Variants in FBXO6 observed in about 807,000 individuals in gnomAD.
FBXO6 encodes the protein F-box protein 6.
FBXO6 carries 13 observed loss-of-function variants against 25.0 expected under a neutral mutation model. The ratio of observed to expected loss-of-function variants is 0.52; its 90% confidence interval spans 0.34 to 0.83. The LOEUF is 0.83. FBXO6 is among the 40% of genes least tolerant of loss of function. The pLI, the probability that FBXO6 is intolerant of heterozygous loss-of-function variation, is 0.02. For synonymous variants in FBXO6, 138 were observed against 155.3 expected (o/e 0.89, Z 0.83); for missense variants, 370 against 380.2 (o/e 0.97, Z 0.22).
chr1:11,669,013 C>G (rs973115602), intron 2 of FBXO6, 69 bp downstream of exon 2: 3 of 1,555,022 alleles, frequency 1.9e-6, no homozygotes, highest in Non-Finnish European at 1.7e-6. Flanking sequence ...TTGGCACTTG[C>G]AATTCCCACA....
In FBXO6 at chr1:11,671,998, C is replaced by T. The variant is rs572904941; in HGVS notation, c.484C>T (p.Arg162Trp). 40 of 1,614,166 alleles carry T rather than the reference C, an allele frequency of 2.5e-5. No individual in the cohort carries two copies. The highest frequency in any genetic ancestry group is 1.9e-4 in the African/African-American group (14 of 75,052). Residue 162 changes from arginine to tryptophan, a missense_variant, in exon 4 of 6, where the codon CGG (arginine) becomes TGG (tryptophan). Arg to Trp is a moderately radical substitution (Grantham distance 101). Coordinates refer to ENST00000376753, the MANE Select transcript of FBXO6 (RefSeq NM_018438.6). ...CTGGGAGGAGCTACTAGACACATTC[C>T]GGCCGGACATCGTGGTTAAGGACTG... ...GYWEELLDTF[R>W]PDIVVKDWFA... is the part of the protein sequence containing the mutation.
At position 11,673,292 on chromosome 1, in the gene FBXO6, C is replaced by T. The variant is rs759813124; in HGVS notation, c.525C>T (p.Ala175=). 3.5e-5 allele frequency: 56 copies of T among 1,613,236 alleles called. No homozygotes were observed. The highest frequency in any genetic ancestry group is 4.2e-5 in the Non-Finnish European group (49 of 1,179,696). The change falls in exon 5 of 6, where the codon GCC becomes GCT. Residue 175 remains alanine (A), a synonymous_variant. Coordinates refer to ENST00000376753, the MANE Select transcript of FBXO6 (RefSeq NM_018438.6). This position sits in a 1 kb window ranked among gnomAD's most constrained non-coding sequence, Gnocchi z 4.3. Reference sequence around the variant, plus strand: ...CCTCCACCAGGTTTGCTGCCAGAGCCGACTGTGGCTGCACCTACCAACTCA... The same window carrying T: ...CCTCCACCAGGTTTGCTGCCAGAGCTGACTGTGGCTGCACCTACCAACTCA... ...IVVKDWFAAR[A]DCGCTYQLKV... is the part of the protein sequence containing the mutation.
At chr1:11,664,914 C>A (rs752298712) in intron 1 of FBXO6, among the ~76,000 whole-genome samples, 4 of 152,154 alleles carry the variant, frequency 2.6e-5, no homozygotes, top group Admixed American at 2.0e-4. Context: ...CAAGAAAATG[C>A]GGACTGGGCC....
chr1:11,671,702 T>C (rs886478946), intron 3 of FBXO6, among the ~76,000 whole-genome samples: 1 of 152,132 alleles, frequency 6.6e-6, no homozygotes, highest in Non-Finnish European at 1.5e-5. Flanking sequence ...CAATGGGCCT[T>C]TGGACTGGGA....
In FBXO6 at chr1:11,674,277, C is replaced by G. The variant is rs1640714737; in HGVS notation, c.*426C>G. 1 of 160,828 alleles carries G rather than the reference C, an allele frequency of 6.2e-6. No homozygotes were observed. Among genetic ancestry groups the G allele is most frequent in the Non-Finnish European group, 1.4e-5 (1 of 72,710 alleles). 10.0% of individuals were successfully genotyped at this position (160,828 alleles called of 1,614,324 possible). On this transcript the variant is annotated 3_prime_UTR_variant, in exon 6 of 6. Transcript: ENST00000376753. The surrounding 1 kb of genome is among the most constrained non-coding windows in gnomAD (Gnocchi z 6.1). ...CGAGATCACGCCACTGCACTCCAGC[C>G]TGGGTGACAGAGCGAGACTCTGGCT...
chr1:11,664,828 G>A (rs55634740), intron 1 of FBXO6: 11,495 of 152,176 alleles, frequency 0.076, 1,393 homozygotes, highest in African/African-American at 0.25. Flanking sequence ...GACCCCGATC[G>A]GTGTGAGAGG....
chr1:11,665,773 C>A (rs1640416646), intron 1 of FBXO6, among the ~76,000 whole-genome samples: 1 of 150,802 alleles, frequency 6.6e-6, no homozygotes, highest in Non-Finnish European at 1.5e-5. Context: ...ATTGGCCAGG[C>A]TGGTCTCGAA....
At position 11,673,468 on chromosome 1, in the gene FBXO6, G is replaced by A; in HGVS notation, c.645+56G>A. Reference sequence around the variant, plus strand: ...CACTCCTCCCAGGGCCAGGATGGCAGGAAGCAAAGGGCAGCCTCAGGGCCC... The same window carrying A: ...CACTCCTCCCAGGGCCAGGATGGCAAGAAGCAAAGGGCAGCCTCAGGGCCC... On this transcript the variant is annotated intron_variant, in intron 5 of 5. Transcript: ENST00000376753. This position sits in a 1 kb window ranked among gnomAD's most constrained non-coding sequence, Gnocchi z 4.3. The A allele has an allele frequency of 1.9e-6, 3 of 1,598,862 alleles. No homozygotes were observed. The South Asian group carries it at 3.4e-5, about 18-fold the overall frequency.
chr1:11,671,431 A>C, intron 3 of FBXO6, 39 bp downstream of exon 3: 1 of 1,600,990 alleles, frequency 6.2e-7, no homozygotes, highest in Non-Finnish European at 8.6e-7. Context: ...CGTGGAGGGG[A>C]CAGAGGGTCA....
intron 2 of FBXO6, 126 bp downstream of exon 2, chr1:11,669,070 G>A: frequency 7.9e-7 from 1 of 1,268,748 alleles, no homozygotes; most frequent in Non-Finnish European, 1.1e-6. Context: ...CACTTCCTTG[G>A]TTCCTTCTCA....
intron 2 of FBXO6, among the ~76,000 whole-genome samples, chr1:11,670,638 AG>A (rs35421888): frequency 0.29 from 38,904 of 134,420 alleles, 5,282 homozygotes; most frequent in African/African-American, 0.34. Flanking sequence ...TAAAAAAAAA[AG>A]GGGGGGGGGG....
intron 2 of FBXO6, among the ~76,000 whole-genome samples, chr1:11,670,998 GA>G (rs1359855332): frequency 6.6e-6 from 1 of 152,192 alleles, no homozygotes; most frequent in Non-Finnish European, 1.5e-5. Context: ...GAATGTGTTG[GA>G]GGGGTGCTTT....
chr1:11,671,918 T>C lies in FBXO6; in HGVS notation c.414-10T>C. Reference sequence around the variant, plus strand: ...ACCCAGGTATGCAAGCCCCCAACTCTGCTCCCCAGAATGTGCCTCAAGTCC... The same window carrying C: ...ACCCAGGTATGCAAGCCCCCAACTCCGCTCCCCAGAATGTGCCTCAAGTCC... On this transcript the variant is annotated splice_polypyrimidine_tract_variant and intron_variant, in intron 3 of 5. Coordinates refer to ENST00000376753, the MANE Select transcript of FBXO6 (RefSeq NM_018438.6). 1.2e-6 allele frequency: 2 copies of C among 1,613,388 alleles called. No homozygotes were observed. Among genetic ancestry groups the C allele is most frequent in the Non-Finnish European group, 1.7e-6 (2 of 1,179,334 alleles).
chr1:11,667,786 G>A (rs1640483920), intron 1 of FBXO6, among the ~76,000 whole-genome samples: 1 of 152,106 alleles, frequency 6.6e-6, no homozygotes, highest in Non-Finnish European at 1.5e-5. Flanking sequence ...AATGAGTCTG[G>A]GATGTAAAAC....
chr1:11,669,950 C>T (rs866255410), intron 2 of FBXO6, among the ~76,000 whole-genome samples: 4 of 141,450 alleles, frequency 2.8e-5, no homozygotes, highest in Admixed American at 6.9e-5. Context: ...CGGTGGCTCA[C>T]GCCTGTAATC....
chr1:11,673,170 C>T lies in FBXO6; in HGVS notation c.510-107C>T. ...GGCCTTGCAGGCAGAGCAGTGTCAG[C>T]TGATGGGAGATGAAGCTCCGAGCTC... On this transcript the variant is annotated intron_variant, in intron 4 of 5. Coordinates refer to ENST00000376753, the MANE Select transcript of FBXO6 (RefSeq NM_018438.6). This position sits in a 1 kb window ranked among gnomAD's most constrained non-coding sequence, Gnocchi z 4.3. 1 of 1,380,576 alleles carries T rather than the reference C, an allele frequency of 7.2e-7. No homozygotes were observed. The highest frequency in any genetic ancestry group is 9.7e-7 in the Non-Finnish European group (1 of 1,030,070). 85.5% of individuals were successfully genotyped at this position (1,380,576 alleles called of 1,614,324 possible).
At chr1:11,671,179 C>A in intron 2 of FBXO6, 87 bp from the exon 3 acceptor site, 1 of 1,547,686 alleles carries the variant, frequency 6.5e-7, no homozygotes, top group Non-Finnish European at 8.8e-7. Flanking sequence ...GCCAACCACC[C>A]TCCCTCCCGC....
rs189443534 is a variant in FBXO6 at position 11,673,868 on chromosome 1, G to A, written c.*17G>A. On this transcript the variant is annotated 3_prime_UTR_variant, in exon 6 of 6. Coordinates refer to ENST00000376753, the MANE Select transcript of FBXO6 (RefSeq NM_018438.6). This position sits in a 1 kb window ranked among gnomAD's most constrained non-coding sequence, Gnocchi z 4.3. ...ATTTTCTGACAGCTGTCCATCCTGT[G>A]TCTGGGTCAGCCAGAGGTTCCTCCA... is the stretch of plus-strand genomic sequence containing the variant. The A allele has an allele frequency of 2.0e-4, 320 of 1,612,296 alleles. No individual in the cohort carries two copies. In the African/African-American group the frequency reaches 3.9e-3, roughly 20 times the overall value.
chr1:11,666,179 T>C lies in FBXO6; in HGVS notation c.-4+1924T>C, dbSNP rs575616347. On this transcript the variant is annotated intron_variant, in intron 1 of 5. Transcript: ENST00000376753. ...TCGGCAGGCCTCATGGACTGTAAGGTAGAAAAATCTGAGGGGCTGGGTTCG... is the reference window on the plus strand; with the variant it reads ...TCGGCAGGCCTCATGGACTGTAAGGCAGAAAAATCTGAGGGGCTGGGTTCG... 5.3e-5 allele frequency among the ~76,000 whole-genome samples: 8 copies of C among 151,006 alleles called. No homozygotes were observed. In the South Asian group the frequency reaches 1.5e-3, roughly 28 times the overall value.
Sources: gnomAD v4.1 joint callset for allele counts (sites outside exome capture counted in the v4.1 genomes callset) on GRCh38, gnomAD v4.1.1 for gene constraint, Gnocchi (gnomAD v3.1) non-coding constraint, MANE v1.5 for transcripts, NCBI Gene and HGNC (gene_info 2026-07-23, HGNC 2026-07-21) for gene names.